Variants in PCDHA7 observed in about 807,000 individuals in gnomAD.
PCDHA7 encodes the protein protocadherin alpha-7.
A neutral mutation model predicts 57.2 loss-of-function variants in PCDHA7; 37 were observed. The ratio of observed to expected loss-of-function variants is 0.65; its 90% CI spans 0.50 to 0.85. The LOEUF is 0.85. Among genes scored for constraint, PCDHA7 ranks in the 40% least tolerant of loss-of-function variants. The pLI is 0.00. For synonymous variants in PCDHA7, 553 were observed against 558.8 expected (o/e 0.99, Z 0.15); for missense variants, 1,188 against 1,241.8 (o/e 0.96, Z 0.65).
intron 1 of PCDHA7, among the ~76,000 whole-genome samples, chr5:140,971,090 T>G (rs1554233007): frequency 1.3e-5 from 2 of 152,204 alleles, no homozygotes. Context: ...TAACAAATTC[T>G]TGTGAAGCCC....
chr5:140,933,413 T>A (rs2089136962), intron 1 of PCDHA7, among the ~76,000 whole-genome samples: 3 of 152,056 alleles, frequency 2.0e-5, no homozygotes, highest in Non-Finnish European at 4.4e-5. Flanking sequence ...TCTACAGATA[T>A]TCTGTGTTCA....
At position 141,010,091 on chromosome 5, in the gene PCDHA7, A is replaced by G; in HGVS notation, c.*154A>G. The G allele has an allele frequency of 6.2e-7, 1 of 1,612,860 alleles. No individual in the cohort carries two copies. The highest frequency in any genetic ancestry group is 8.5e-7 in the Non-Finnish European group (1 of 1,179,382). ...AGTTCCCTGTGTCTGTCTAGAACGCATTTAACAGGTTTTGTCGTAAAAGCT... is the reference window on the plus strand; with the variant it reads ...AGTTCCCTGTGTCTGTCTAGAACGCGTTTAACAGGTTTTGTCGTAAAAGCT... On this transcript the variant is annotated 3_prime_UTR_variant, in exon 4 of 4. Coordinates refer to ENST00000525929, the MANE Select transcript of PCDHA7 (RefSeq NM_018910.3).
intron 1 of PCDHA7, among the ~76,000 whole-genome samples, chr5:140,912,990 T>C (rs2076154668): frequency 6.6e-6 from 1 of 152,198 alleles, no homozygotes; most frequent in African/African-American, 2.4e-5. Context: ...GAATTCAGTT[T>C]GCTAGTATTT....
Position 140,835,504 on chromosome 5 carries a change from T to C in PCDHA7, c.1121T>C (p.Val374Ala). The change falls in exon 1 of 4, where the codon GTG (valine) becomes GCG (alanine). Residue 374 changes from valine (V) to alanine (A), a missense_variant. By Grantham distance (64) the Val-to-Ala change is moderately conservative. Coordinates refer to ENST00000525929, the MANE Select transcript of PCDHA7 (RefSeq NM_018910.3). ...QPGTVITLIS[V>A]FDRDFGVNGQ... is the part of the protein sequence containing the mutation. ...GGTACCGTCATCACATTGATTAGCG[T>C]GTTTGACCGAGATTTTGGAGTCAAC... 2 of 1,613,936 alleles carry C rather than the reference T, an allele frequency of 1.2e-6. No homozygotes were observed. The highest frequency in any genetic ancestry group is 1.7e-6 in the Non-Finnish European group (2 of 1,179,868).
intron 3 of PCDHA7, among the ~76,000 whole-genome samples, chr5:140,990,224 G>A (rs1368393390): frequency 6.6e-6 from 1 of 152,160 alleles, no homozygotes; most frequent in South Asian, 2.1e-4. Flanking sequence ...GAAGTTTATT[G>A]TAACTAGCGT....
intron 1 of PCDHA7, among the ~76,000 whole-genome samples, chr5:140,902,760 T>G (rs887357298): frequency 1.4e-4 from 22 of 152,038 alleles, no homozygotes; most frequent in African/African-American, 5.3e-4. Context: ...ATCATTCTTA[T>G]GTCTTTGCAT....
At chr5:140,918,560 G>A (rs1243205653) in intron 1 of PCDHA7, among the ~76,000 whole-genome samples, 1 of 152,180 alleles carries the variant, frequency 6.6e-6, no homozygotes, top group Non-Finnish European at 1.5e-5. Context: ...TGAGAAGAAT[G>A]TATATTATGC....
chr5:140,976,689 T>TTTGCA (rs1280133734), intron 1 of PCDHA7, among the ~76,000 whole-genome samples: 2 of 152,232 alleles, frequency 1.3e-5, no homozygotes, highest in East Asian at 3.8e-4. Context: ...GCAATTTAAG[T>TTTGCA]ACAATAATGT....
At chr5:140,876,368 CA>C in intron 1 of PCDHA7, 1 of 1,613,904 alleles carries the variant, frequency 6.2e-7, no homozygotes. Flanking sequence ...AATCCAGACA[CA>C]GGTGAAATTA....
At position 140,835,699 on chromosome 5, in the gene PCDHA7, C is replaced by G. The variant is rs146607016; in HGVS notation, c.1316C>G (p.Ala439Gly). 306 of 1,613,916 alleles carry G rather than the reference C, an allele frequency of 1.9e-4. 1 individual carries two copies. In the African/African-American group the frequency reaches 3.5e-3, roughly 18 times the overall value. ...GGCTCGCCTTCTCTGTGGGCCACTG[C>G]TAGCGTGTCCGTGGAGGTGGCCGAC... Reference protein sequence around the residue: ...DGGSPSLWATASVSVEVADVN... With the variant: ...DGGSPSLWATGSVSVEVADVN... The change falls in exon 1 of 4, where the codon GCT (alanine) becomes GGT (glycine). Residue 439 changes from alanine (A) to glycine (G), a missense_variant. By Grantham distance (60) the Ala-to-Gly change is moderately conservative (BLOSUM62 0). This residue lies in a region of PCDHA7 where 892 missense variants were observed against 788.5 expected (regional missense o/e 1.13). Coordinates refer to ENST00000525929, the MANE Select transcript of PCDHA7 (RefSeq NM_018910.3).
At chr5:140,902,203 C>CTTTTTTTTT (rs148688132) in intron 1 of PCDHA7, among the ~76,000 whole-genome samples, 1 of 124,460 alleles carries the variant, frequency 8.0e-6, no homozygotes. Flanking sequence ...CTCTCTCTTT[C>CTTTTTTTTT]TTTTTTTTTT....
chr5:140,998,646 C>A (rs1413467899), intron 3 of PCDHA7, among the ~76,000 whole-genome samples: 1 of 151,870 alleles, frequency 6.6e-6, no homozygotes, highest in Non-Finnish European at 1.5e-5. Context: ...CTCACTGCAA[C>A]CTCTGCCTCC....
At chr5:140,925,082 A>G (rs1362065754) in intron 1 of PCDHA7, among the ~76,000 whole-genome samples, 1 of 147,284 alleles carries the variant, frequency 6.8e-6, no homozygotes, top group African/African-American at 2.6e-5. Context: ...GCTCATCTGG[A>G]AAGGAAGGAA....
At chr5:140,968,463 A>G (rs1012242019) in intron 1 of PCDHA7, 6 of 1,613,994 alleles carry the variant, frequency 3.7e-6, no homozygotes, top group Middle Eastern at 1.6e-4. Context: ...GTGACTGCCA[A>G]CGTATATGTG....
chr5:140,927,366 A>G (rs782348018), intron 1 of PCDHA7: 29 of 1,614,088 alleles, frequency 1.8e-5, no homozygotes, highest in Admixed American at 1.7e-4. Context: ...GCAATGGGAT[A>G]CTAAGCTACA....
chr5:140,907,812 C>T (rs888159954), intron 1 of PCDHA7, among the ~76,000 whole-genome samples: 17 of 152,192 alleles, frequency 1.1e-4, no homozygotes, highest in Admixed American at 2.6e-4. Flanking sequence ...GTCCACAGAA[C>T]GAGTCATCCT....
chr5:140,856,901 C>A, intron 1 of PCDHA7: 1 of 1,595,974 alleles, frequency 6.3e-7, no homozygotes, highest in Non-Finnish European at 8.6e-7. Flanking sequence ...CTCTTTGGTC[C>A]CACCCACGAT....
At chr5:140,881,867 G>A (rs2058853547) in intron 1 of PCDHA7, among the ~76,000 whole-genome samples, 1 of 152,166 alleles carries the variant, frequency 6.6e-6, no homozygotes, top group Non-Finnish European at 1.5e-5. Flanking sequence ...TAAATTTGTG[G>A]CAAAATGAAA....
intron 3 of PCDHA7, among the ~76,000 whole-genome samples, chr5:141,004,953 G>A (rs1409171628): frequency 7.2e-5 from 11 of 152,166 alleles, no homozygotes; most frequent in African/African-American, 2.4e-4. Context: ...ACCCTCTCTC[G>A]TCACTGCCTG....
Sources: allele counts gnomAD v4.1 joint callset (sites outside exome capture counted in the v4.1 genomes callset), GRCh38; gene constraint gnomAD v4.1.1; regional missense constraint gnomAD v4.1.1; transcripts MANE v1.5; gene names NCBI Gene and HGNC (gene_info 2026-07-23, HGNC 2026-07-21).